MLIP: variants seen among roughly 807,000 people sequenced by gnomAD.
MLIP encodes the protein muscular LMNA interacting protein.
In MLIP, 79 loss-of-function variants were observed where a neutral mutation model predicts 84.8. That is an observed-to-expected ratio of 0.93 (90% CI 0.78 to 1.12). The LOEUF (loss-of-function observed/expected upper bound fraction) is 1.12, where lower values mean the gene tolerates loss of function less well. Ranked by LOEUF, MLIP falls within the 50% of genes most tolerant of loss-of-function variation. The pLI is 0.00. For synonymous variants in MLIP, 504 were observed against 463.0 expected, an observed-to-expected ratio of 1.09 and a Z score of -1.14; for missense variants, 1,257 against 1,160.6, an observed-to-expected ratio of 1.08 and a Z score of -1.21.
Position 54,252,990 on chromosome 6 carries a change from G to T in MLIP, c.2923-4318G>T, listed in dbSNP as rs146778915. 3.8e-3 allele frequency among the ~76,000 whole-genome samples: 572 copies of T among 152,114 alleles called. 5 individuals are homozygous for T. Among genetic ancestry groups the T allele is most frequent in the African/African-American group, 0.013 (548 of 41,520 alleles). ...CAGAATTCTTTAATTTTACAAGTCGGAAAACTGTTTCTTTTCTGTAGCCAT... is the reference window on the plus strand; with the variant it reads ...CAGAATTCTTTAATTTTACAAGTCGTAAAACTGTTTCTTTTCTGTAGCCAT... On this transcript the variant is annotated intron_variant, in intron 12 of 13. Transcript: ENST00000502396.
chr6:54,172,778 G>T (rs1201863796), intron 9 of MLIP, among the ~76,000 whole-genome samples: 2 of 151,242 alleles, frequency 1.3e-5, no homozygotes, highest in Non-Finnish European at 3.0e-5. Flanking sequence ...GGTCTTTATT[G>T]CACGTATTGT....
intron 10 of MLIP, among the ~76,000 whole-genome samples, chr6:54,197,774 A>C (rs1014063101): frequency 3.9e-5 from 6 of 152,236 alleles, no homozygotes; most frequent in Admixed American, 3.9e-4. Flanking sequence ...AGGCTAGTTT[A>C]GTTGTAATAT....
intron 11 of MLIP, 101 bp from the exon 12 acceptor site, chr6:54,230,613 C>T: frequency 9.9e-7 from 1 of 1,005,476 alleles, no homozygotes; most frequent in Non-Finnish European, 1.5e-6. Context: ...TGTCTTCTTA[C>T]TGGTAAGAGA....
chr6:54,039,553 G>T (rs953084968), intron 1 of MLIP, among the ~76,000 whole-genome samples: 8 of 151,808 alleles, frequency 5.3e-5, no homozygotes, highest in Non-Finnish European at 1.0e-4. Flanking sequence ...TTGATATGGT[G>T]CTCATCTGTG....
chr6:54,156,560 A>T (rs1774050718), intron 5 of MLIP, among the ~76,000 whole-genome samples: 1 of 152,148 alleles, frequency 6.6e-6, no homozygotes, highest in Non-Finnish European at 1.5e-5. Context: ...CAAATCTTTG[A>T]TGGTAAACAA....
chr6:54,164,700 A>T (rs1775002152), intron 8 of MLIP, among the ~76,000 whole-genome samples: 1 of 151,992 alleles, frequency 6.6e-6, no homozygotes, highest in Non-Finnish European at 1.5e-5. Flanking sequence ...AGAATATCAT[A>T]TAAATGTAAT....
At chr6:54,089,694 T>TG (rs1485939229) in intron 1 of MLIP, among the ~76,000 whole-genome samples, 3 of 152,176 alleles carry the variant, frequency 2.0e-5, no homozygotes, top group African/African-American at 7.2e-5. Flanking sequence ...GTGAAGAATT[T>TG]GCTAAAACCT....
chr6:54,104,016 T>C (rs764645319), intron 1 of MLIP, among the ~76,000 whole-genome samples: 1 of 152,090 alleles, frequency 6.6e-6, no homozygotes, highest in Admixed American at 6.6e-5. Context: ...AAATAATCAA[T>C]TAAACCCTCT....
At chr6:54,139,205 A>G (rs1442930870) in intron 4 of MLIP, among the ~76,000 whole-genome samples, 1 of 152,162 alleles carries the variant, frequency 6.6e-6, no homozygotes, top group African/African-American at 2.4e-5. Context: ...TAATCAGTAG[A>G]AAAAAATATA....
chr6:54,191,757 A>C (rs1404369860), intron 10 of MLIP, among the ~76,000 whole-genome samples: 1 of 152,182 alleles, frequency 6.6e-6, no homozygotes, highest in African/African-American at 2.4e-5. Context: ...CCCACTTTAG[A>C]TATGGAAATA....
chr6:54,122,938 T>C (rs1457698654), intron 2 of MLIP, among the ~76,000 whole-genome samples: 1 of 151,392 alleles, frequency 6.6e-6, no homozygotes, highest in Non-Finnish European at 1.5e-5. Context: ...TTATATTCTT[T>C]TTTTTTTTTT....
intron 12 of MLIP, among the ~76,000 whole-genome samples, chr6:54,235,815 G>A (rs1324682459): frequency 6.6e-6 from 1 of 152,138 alleles, no homozygotes. Context: ...ACATAGGTAG[G>A]GTGGGGTTGT....
intron 12 of MLIP, among the ~76,000 whole-genome samples, chr6:54,240,884 G>C (rs1346558421): frequency 6.6e-6 from 1 of 152,130 alleles, no homozygotes; most frequent in Non-Finnish European, 1.5e-5. Context: ...GCTGAGGCGG[G>C]AGAATCGCTT....
chr6:54,027,643 T>C (rs908469573), intron 1 of MLIP, among the ~76,000 whole-genome samples: 1 of 152,032 alleles, frequency 6.6e-6, no homozygotes, highest in Non-Finnish European at 1.5e-5. Flanking sequence ...CTTTCTTACA[T>C]TAAGGAAAAT....
upstream of MLIP, among the ~76,000 whole-genome samples, chr6:54,108,892 A>G (rs1241554832): frequency 6.6e-6 from 1 of 152,046 alleles, no homozygotes; most frequent in Non-Finnish European, 1.5e-5. Flanking sequence ...TAGCGTTTGA[A>G]TCCACCTGGA....
At chr6:54,169,455 A>C (rs1775546332) in intron 8 of MLIP, 73 bp from the exon 9 acceptor site, 2 of 980,546 alleles carry the variant, frequency 2.0e-6, no homozygotes, top group African/African-American at 3.4e-5. Context: ...GAAGGTGAAC[A>C]CATTCCAGAA....
At chr6:54,114,270 C>T (rs76421850) in intron 1 of MLIP, among the ~76,000 whole-genome samples, 1 of 152,170 alleles carries the variant, frequency 6.6e-6, no homozygotes. Context: ...TATGGGTTAA[C>T]AACCCTAGTA....
intron 9 of MLIP, among the ~76,000 whole-genome samples, chr6:54,186,246 A>T (rs1777380372): frequency 6.6e-6 from 1 of 152,206 alleles, no homozygotes; most frequent in South Asian, 2.1e-4. Context: ...GCTCTGAAAT[A>T]TTTGCAATTT....
At chr6:54,259,767 G>A (rs944256787) in intron 13 of MLIP, among the ~76,000 whole-genome samples, 24 of 151,958 alleles carry the variant, frequency 1.6e-4, no homozygotes, top group Middle Eastern at 3.4e-3. Context: ...GCCATTTTGT[G>A]ATTCCAGTGT....
Sources: allele counts gnomAD v4.1 joint callset (sites outside exome capture counted in the v4.1 genomes callset), GRCh38; gene constraint gnomAD v4.1.1; transcripts MANE v1.5; gene names NCBI Gene and HGNC (gene_info 2026-07-23, HGNC 2026-07-21).